The following DLGAP2 variants were observed in gnomAD, a reference collection of about 807,000 sequenced individuals.
DLGAP2 encodes the protein DLG associated protein 2.
In DLGAP2, 26 loss-of-function variants were observed where a neutral mutation model predicts 100.3. That is an observed-to-expected ratio of 0.26 (90% CI 0.19 to 0.36). The LOEUF (loss-of-function observed/expected upper bound fraction) is 0.36, where lower values mean the gene tolerates loss of function less well. Ranked by LOEUF, DLGAP2 falls within the 10% of genes least tolerant of loss-of-function variation. The probability of loss-of-function intolerance (pLI) is 1.00; values close to 1 mark genes in which losing one functional copy is unlikely to be tolerated. For missense variants in DLGAP2, 1,858 were observed against 1,453.2 expected, an observed-to-expected ratio of 1.28 and a Z score of -4.53; for synonymous variants, 886 against 630.1, an observed-to-expected ratio of 1.41 and a Z score of -6.08.
At chr8:1,064,684 G>T (rs763329098) in intron 2 of DLGAP2, among the ~76,000 whole-genome samples, 9 of 152,188 alleles carry the variant, frequency 5.9e-5, no homozygotes, top group Non-Finnish European at 5.9e-5. Flanking sequence ...AACACGGGCT[G>T]AATGTGACCT....
intron 1 of DLGAP2, among the ~76,000 whole-genome samples, chr8:791,520 A>G (rs911812305): frequency 6.6e-6 from 1 of 152,248 alleles, no homozygotes; most frequent in African/African-American, 2.4e-5. Context: ...CTGGTGTCTC[A>G]ATAGGTGTAT....
intron 2 of DLGAP2, among the ~76,000 whole-genome samples, chr8:1,251,798 C>T (rs556408200): frequency 4.6e-5 from 7 of 152,332 alleles, no homozygotes; most frequent in South Asian, 2.1e-4. Flanking sequence ...CCCACAGTCA[C>T]GTCACGTCAT....
chr8:1,195,744 G>T (rs554327613), intron 2 of DLGAP2, among the ~76,000 whole-genome samples: 12 of 152,214 alleles, frequency 7.9e-5, no homozygotes, highest in African/African-American at 2.9e-4. Flanking sequence ...TAGTTACACA[G>T]ATAATCGCAT....
chr8:963,261 T>G (rs1799769913), intron 2 of DLGAP2, among the ~76,000 whole-genome samples: 1 of 148,098 alleles, frequency 6.8e-6, no homozygotes, highest in South Asian at 2.1e-4. Flanking sequence ...GAAACAGTGT[T>G]TGAAAATGAG....
intron 2 of DLGAP2, among the ~76,000 whole-genome samples, chr8:1,176,295 C>A (rs1405801494): frequency 6.6e-6 from 1 of 152,164 alleles, no homozygotes; most frequent in East Asian, 1.9e-4. Flanking sequence ...AAAACCGTCC[C>A]TGTGATCCAG....
chr8:838,745 A>T (rs1268718778), intron 1 of DLGAP2, among the ~76,000 whole-genome samples: 1 of 152,214 alleles, frequency 6.6e-6, no homozygotes, highest in African/African-American at 2.4e-5. Flanking sequence ...GTAATGAAGA[A>T]CTTTCTTTAA....
chr8:1,691,459 G>A, intron 12 of DLGAP2, 76 bp from the exon 13 acceptor site: 3 of 1,262,602 alleles, frequency 2.4e-6, no homozygotes, highest in South Asian at 2.6e-5. Flanking sequence ...CTCCCTTGGT[G>A]TGATGTTTCT....
rs569780088 is a variant in DLGAP2, at chr8:838,559, A to T, written c.19-69353A>T. 3.3e-5 allele frequency among the ~76,000 whole-genome samples: 5 copies of T among 152,288 alleles called. No homozygotes were observed. The East Asian group carries it at 9.6e-4, about 29-fold the overall frequency. On this transcript the variant is annotated intron_variant, in intron 1 of 14. Transcript: ENST00000637795. ...TTGTTTGATAAGCTTTAAAATAAAA[A>T]ATATTAATTATAGATCCAGTGGATT...
At chr8:1,457,358 G>T (rs1225190921) in intron 3 of DLGAP2, among the ~76,000 whole-genome samples, 1 of 152,180 alleles carries the variant, frequency 6.6e-6, no homozygotes, top group Non-Finnish European at 1.5e-5. Context: ...CATTGTTCCT[G>T]CTCCTGCTCT....
intron 2 of DLGAP2, among the ~76,000 whole-genome samples, chr8:1,190,197 A>G (rs978806114): frequency 1.3e-5 from 2 of 152,218 alleles, no homozygotes; most frequent in Admixed American, 6.5e-5. Context: ...CCTAATGCTC[A>G]GACCCAGACC....
At chr8:827,253 T>A (rs1374210216) in intron 1 of DLGAP2, among the ~76,000 whole-genome samples, 1 of 152,050 alleles carries the variant, frequency 6.6e-6, no homozygotes, top group East Asian at 1.9e-4. Context: ...TCTCCTGGAG[T>A]GTGAATAAGA....
chr8:1,696,537 A>G (rs3901161), intron 13 of DLGAP2, among the ~76,000 whole-genome samples: 7,555 of 152,224 alleles, frequency 0.05, 238 homozygotes, highest in Middle Eastern at 0.061. Flanking sequence ...GGTGGAAATC[A>G]TGTATCTGTC....
intron 2 of DLGAP2, among the ~76,000 whole-genome samples, chr8:979,177 C>G (rs1189867289): frequency 6.6e-6 from 1 of 152,190 alleles, no homozygotes; most frequent in African/African-American, 2.4e-5. Flanking sequence ...AGCAATCACA[C>G]TGACTTCACA....
chr8:1,210,875 C>T (rs1798089385), intron 2 of DLGAP2, among the ~76,000 whole-genome samples: 1 of 152,226 alleles, frequency 6.6e-6, no homozygotes. Flanking sequence ...CCTCCCAGAT[C>T]CTCTGCCAGT....
intron 2 of DLGAP2, among the ~76,000 whole-genome samples, chr8:934,353 C>T (rs975217853): frequency 3.3e-5 from 5 of 150,282 alleles, no homozygotes; most frequent in South Asian, 2.1e-4. Flanking sequence ...GCCGTGGGCA[C>T]GAGGGGAGGG....
At chr8:1,264,763 TGC>T (rs1271401446) in intron 3 of DLGAP2, among the ~76,000 whole-genome samples, 1 of 152,186 alleles carries the variant, frequency 6.6e-6, no homozygotes, top group Non-Finnish European at 1.5e-5. Flanking sequence ...GATATGGTTT[TGC>T]TGTGTCCCCA....
In DLGAP2 at chr8:1,454,391, C is replaced by T. The variant is rs1042413569; in HGVS notation, c.107-46975C>T. 4.6e-5 allele frequency among the ~76,000 whole-genome samples: 7 copies of T among 151,994 alleles called. No individual in the cohort carries two copies. The East Asian group carries it at 1.4e-3, about 29-fold the overall frequency. ...TTATCTTTTCTCTACACTGAAACTA[C>T]CGTCCCTGCGTGAGTTTGAGGGCAA... On this transcript the variant is annotated intron_variant, in intron 3 of 14. Transcript: ENST00000637795.
At chr8:1,211,885 A>T (rs1038004531) in intron 2 of DLGAP2, among the ~76,000 whole-genome samples, 1 of 152,218 alleles carries the variant, frequency 6.6e-6, no homozygotes, top group Non-Finnish European at 1.5e-5. Context: ...AAAAAATAAA[A>T]TAAAATAAAA....
intron 2 of DLGAP2, among the ~76,000 whole-genome samples, chr8:1,219,913 A>G (rs911124025): frequency 1.3e-5 from 2 of 151,824 alleles, no homozygotes; most frequent in Non-Finnish European, 2.9e-5. Context: ...GGTGTTAGTA[A>G]TAGTCTCTGG....
Sources: gnomAD v4.1 joint callset for allele counts (sites outside exome capture counted in the v4.1 genomes callset) on GRCh38, gnomAD v4.1.1 for gene constraint, MANE v1.5 for transcripts, NCBI Gene and HGNC (gene_info 2026-07-23, HGNC 2026-07-21) for gene names.